The following UBXN10 variants were observed in gnomAD, a reference collection of about 807,000 sequenced individuals.
UBXN10 encodes the protein UBX domain protein 10, also known as UBX domain-containing protein 10.
UBXN10 carries 6 observed loss-of-function variants against 6.9 expected under a neutral mutation model. That is an observed-to-expected ratio of 0.87 (90% CI 0.48 to 1.72). The LOEUF is 1.72. Ranked by LOEUF, UBXN10 falls within the 40% of genes most tolerant of loss-of-function variation. The probability of loss-of-function intolerance (pLI) is 0.01; values close to 1 mark genes in which losing one functional copy is unlikely to be tolerated. For missense variants in UBXN10, 317 were observed against 348.4 expected, an observed-to-expected ratio of 0.91 and a Z score of 0.72; for synonymous variants, 131 against 135.2, an observed-to-expected ratio of 0.97 and a Z score of 0.21.
At position 20,187,031 on chromosome 1, in the gene UBXN10, T is replaced by C. The variant is rs1450191439; in HGVS notation, c.-16+878T>C. On this transcript the variant is annotated intron_variant, in intron 1 of 1. Transcript: ENST00000375099. This position sits in a 1 kb window ranked among gnomAD's most constrained non-coding sequence, Gnocchi z 4.6. ...ATATTTTACTGCATATACTGTAGGC[T>C]TAGATTTGGGTTGTGAGTGAAATAG... Among the ~76,000 whole-genome samples, 1 of 152,186 alleles carries C rather than the reference T, an allele frequency of 6.6e-6. No homozygotes were observed.
rs1444857234 is a variant in UBXN10 at position 20,192,971 on chromosome 1, G to T, written c.*1567G>T. ...ATAGGTTATTTCTGAATGTTTTATA[G>T]AATTTCTTAATACCATCCTGGTTTG... On this transcript the variant is annotated 3_prime_UTR_variant, in exon 2 of 2. Coordinates refer to ENST00000375099, the MANE Select transcript of UBXN10 (RefSeq NM_152376.5). 6.0e-6 allele frequency: 1 copy of T among 167,112 alleles called. No individual in the cohort carries two copies. Among genetic ancestry groups the T allele is most frequent in the Non-Finnish European group, 1.5e-5 (1 of 68,128 alleles). The allele number at this position is 167,112 out of a possible 1,614,324, so 10.4% of individuals were successfully genotyped here.
rs1388844818 is a variant in UBXN10, at chr1:20,194,978, A to G, written c.*3574A>G. ...AAACCAGAACCAACCAAACCCCACC[A>G]TATAACAGGGAAGGCCTGAGGTCGC... On this transcript the variant is annotated 3_prime_UTR_variant, in exon 2 of 2. Coordinates refer to ENST00000375099, the MANE Select transcript of UBXN10 (RefSeq NM_152376.5). 1 of 167,124 alleles carries G rather than the reference A, an allele frequency of 6.0e-6. No homozygotes were observed. The highest frequency in any genetic ancestry group is 2.4e-5 in the African/African-American group (1 of 41,460). 10.4% of individuals were successfully genotyped at this position (167,124 alleles called of 1,614,324 possible).
chr1:20,193,718 A>T lies in UBXN10; in HGVS notation c.*2314A>T, dbSNP rs2018554170. 6.0e-6 allele frequency: 1 copy of T among 167,082 alleles called. No homozygotes were observed. Among genetic ancestry groups the T allele is most frequent in the Non-Finnish European group, 1.5e-5 (1 of 68,128 alleles). The allele number at this position is 167,082 out of a possible 1,614,324, so 10.3% of individuals were successfully genotyped here. On this transcript the variant is annotated 3_prime_UTR_variant, in exon 2 of 2. Coordinates refer to ENST00000375099, the MANE Select transcript of UBXN10 (RefSeq NM_152376.5). The stretch of plus-strand genomic sequence containing the variant: ...TCCTGCTCTCAGCTTCTGTCACAGC[A>T]CTTAGCTTGTCTGGATAAGAGTCAC...
rs1158183037 is a variant in UBXN10 at position 20,191,323 on chromosome 1, C to T, written c.762C>T (p.Leu254=). 2 of 1,613,956 alleles carry T rather than the reference C, an allele frequency of 1.2e-6. No individual in the cohort carries two copies. The highest frequency in any genetic ancestry group is 2.2e-5 in the East Asian group (1 of 44,896). ...TGCCCAGGAGGCGATTTTCTGACCTCACCAAATCTCTGCAAGAGTGCAGAA... is the reference window on the plus strand; with the variant it reads ...TGCCCAGGAGGCGATTTTCTGACCTTACCAAATCTCTGCAAGAGTGCAGAA... ...MEVPRRRFSD[L]TKSLQECRIP... is the part of the protein sequence containing the mutation. Residue 254 remains leucine (L), a synonymous_variant, in exon 2 of 2, where the codon CTC becomes CTT. Coordinates refer to ENST00000375099, the MANE Select transcript of UBXN10 (RefSeq NM_152376.5). This position sits in a 1 kb window ranked among gnomAD's most constrained non-coding sequence, Gnocchi z 4.5.
In UBXN10 at chr1:20,191,998, G is replaced by A. The variant is rs2018512647; in HGVS notation, c.*594G>A. ...GAGGTGGCATCTAAGGGAAGAATGG[G>A]TTTTCTTCCCCAAAACATCAGCATT... On this transcript the variant is annotated 3_prime_UTR_variant, in exon 2 of 2. Coordinates refer to ENST00000375099, the MANE Select transcript of UBXN10 (RefSeq NM_152376.5). The surrounding 1 kb of genome is among the most constrained non-coding windows in gnomAD (Gnocchi z 4.5). 6.0e-6 allele frequency: 1 copy of A among 167,166 alleles called. No individual in the cohort carries two copies. Among genetic ancestry groups the A allele is most frequent in the Non-Finnish European group, 1.5e-5 (1 of 68,224 alleles). 10.4% of individuals were successfully genotyped at this position (167,166 alleles called of 1,614,324 possible). A position where few individuals can be genotyped will look rare whatever the true frequency, so the allele number is the denominator to read the frequency against.
chr1:20,189,993 G>C (rs1294773367), intron 1 of UBXN10, among the ~76,000 whole-genome samples: 1 of 152,160 alleles, frequency 6.6e-6, no homozygotes, highest in Non-Finnish European at 1.5e-5. Context: ...ACAAATGATG[G>C]CCCACAGCCC....
intron 1 of UBXN10, among the ~76,000 whole-genome samples, chr1:20,188,224 T>C (rs2018432894): frequency 6.6e-6 from 1 of 152,232 alleles, no homozygotes; most frequent in African/African-American, 2.4e-5. Flanking sequence ...CAGTCTTTTT[T>C]GATGCCAAAA....
Position 20,191,370 on chromosome 1 carries a change from G to T in UBXN10, c.809G>T (p.Gly270Val). 1 of 1,612,088 alleles carries T rather than the reference G, an allele frequency of 6.2e-7. No homozygotes were observed. The highest frequency in any genetic ancestry group is 8.5e-7 in the Non-Finnish European group (1 of 1,178,224). ...AGAATCCCCCACAAGTCTGTGCTGG[G>T]CATCTCACTGGAAGATGGGGAAGGG... ...ECRIPHKSVL[G>V]ISLEDGEGWP Residue 270 changes from glycine (G) to valine (V), a missense_variant, in exon 2 of 2, where the codon GGC becomes GTC. Physicochemically the swap from Gly to Val is moderately radical, Grantham distance 109. Transcript: ENST00000375099. The surrounding 1 kb of genome is among the most constrained non-coding windows in gnomAD (Gnocchi z 4.5).
rs2018497322 is a variant in UBXN10 at position 20,191,317 on chromosome 1, T to G, written c.756T>G (p.Ser252=). The G allele has an allele frequency of 1.2e-6, 2 of 1,614,054 alleles. No homozygotes were observed. The highest frequency in any genetic ancestry group is 1.1e-5 in the South Asian group (1 of 91,090). The change falls in exon 2 of 2, where the codon TCT becomes TCG. Residue 252 remains serine, a synonymous_variant. Transcript: ENST00000375099. The surrounding 1 kb of genome is among the most constrained non-coding windows in gnomAD (Gnocchi z 4.5). ...TGGAGGTGCCCAGGAGGCGATTTTC[T>G]GACCTCACCAAATCTCTGCAAGAGT... ...ETMEVPRRRF[S]DLTKSLQECR...
chr1:20,189,670 A>G (rs1481303928), intron 1 of UBXN10, among the ~76,000 whole-genome samples: 1 of 152,114 alleles, frequency 6.6e-6, no homozygotes, highest in Non-Finnish European at 1.5e-5. Flanking sequence ...GGAGATTGCA[A>G]TGAGCTGAGA....
upstream of UBXN10, chr1:20,184,456 A>G (rs1330423707): frequency 2.6e-5 from 4 of 152,218 alleles, no homozygotes; most frequent in Non-Finnish European, 5.9e-5. Context: ...AGGGCCACAG[A>G]GGCTTCCTGG....
rs953246522 is a variant in UBXN10, at chr1:20,194,364, G to A, written c.*2960G>A. 2 of 167,110 alleles carry A rather than the reference G, an allele frequency of 1.2e-5. No homozygotes were observed. Among genetic ancestry groups the A allele is most frequent in the African/African-American group, 4.8e-5 (2 of 41,454 alleles). The allele number at this position is 167,110 out of a possible 1,614,324, so 10.4% of individuals were successfully genotyped here. A position where few individuals can be genotyped will look rare whatever the true frequency, so the allele number is the denominator to read the frequency against. On this transcript the variant is annotated 3_prime_UTR_variant, in exon 2 of 2. Coordinates refer to ENST00000375099, the MANE Select transcript of UBXN10 (RefSeq NM_152376.5). ...ATCCAGAAAATTTGCACCAACAGAT[G>A]GCAGGTGGTTATAACACAACAGATC... is the stretch of plus-strand genomic sequence containing the variant.
rs2018537507 is a variant in UBXN10, at chr1:20,193,041, G to A, written c.*1637G>A. The A allele has an allele frequency of 6.0e-6, 1 of 167,090 alleles. No homozygotes were observed. Among genetic ancestry groups the A allele is most frequent in the Admixed American group, 6.5e-5 (1 of 15,288 alleles). The allele number at this position is 167,090 out of a possible 1,614,324, so 10.4% of individuals were successfully genotyped here. ...GGAAAGGTCAGCTGGGGCCAGTGGT[G>A]CCTCAGGCAGGCCCACACAACTGGC... On this transcript the variant is annotated 3_prime_UTR_variant, in exon 2 of 2. Coordinates refer to ENST00000375099, the MANE Select transcript of UBXN10 (RefSeq NM_152376.5).
chr1:20,191,371 C>A lies in UBXN10; in HGVS notation c.810C>A (p.Gly270=). ...ECRIPHKSVL[G]ISLEDGEGWP ...GAATCCCCCACAAGTCTGTGCTGGG[C>A]ATCTCACTGGAAGATGGGGAAGGGT... is the stretch of plus-strand genomic sequence containing the variant. Residue 270 remains glycine, a synonymous_variant, in exon 2 of 2, where the codon GGC becomes GGA. Transcript: ENST00000375099. The surrounding 1 kb of genome is among the most constrained non-coding windows in gnomAD (Gnocchi z 4.5). The A allele has an allele frequency of 1.2e-6, 2 of 1,611,958 alleles. No homozygotes were observed. The highest frequency in any genetic ancestry group is 1.7e-6 in the Non-Finnish European group (2 of 1,178,162).
rs2018507008 is a variant in UBXN10, at chr1:20,191,760, C to G, written c.*356C>G. On this transcript the variant is annotated 3_prime_UTR_variant, in exon 2 of 2. Transcript: ENST00000375099. This position sits in a 1 kb window ranked among gnomAD's most constrained non-coding sequence, Gnocchi z 4.5. ...CTTGCCTTTACAGTGAACTGTGATT[C>G]TCTCGAAGCCAATGCTTTCCTGTCT... 1 of 235,242 alleles carries G rather than the reference C, an allele frequency of 4.3e-6. No individual in the cohort carries two copies. Among genetic ancestry groups the G allele is most frequent in the African/African-American group, 2.3e-5 (1 of 44,038 alleles). The allele number at this position is 235,242 out of a possible 1,614,324, so 14.6% of individuals were successfully genotyped here.
Position 20,191,513 on chromosome 1 carries a change from TG to T in UBXN10, c.*112del. 6.7e-7 allele frequency: 1 copy of T among 1,496,044 alleles called. No homozygotes were observed. The allele number at this position is 1,496,044 out of a possible 1,614,324, so 92.7% of individuals were successfully genotyped here. A position where few individuals can be genotyped will look rare whatever the true frequency, so the allele number is the denominator to read the frequency against. Reference sequence around the variant, plus strand: ...AAGTGCCATGTGGACCTGGTGCAGCTGGGAAGCTTGGGACTCTCGTCTGCAC... The same window carrying T: ...AAGTGCCATGTGGACCTGGTGCAGCTGGAAGCTTGGGACTCTCGTCTGCAC... On this transcript the variant is annotated 3_prime_UTR_variant, in exon 2 of 2. Coordinates refer to ENST00000375099, the MANE Select transcript of UBXN10 (RefSeq NM_152376.5). This position sits in a 1 kb window ranked among gnomAD's most constrained non-coding sequence, Gnocchi z 4.5.
In UBXN10 at chr1:20,187,367, G is replaced by A. The variant is rs761968937; in HGVS notation, c.-16+1214G>A. Among the ~76,000 whole-genome samples the A allele has an allele frequency of 4.1e-4, 62 of 152,304 alleles. No individual in the cohort carries two copies. Among genetic ancestry groups the A allele is most frequent in the Non-Finnish European group, 7.5e-4 (51 of 68,022 alleles). On this transcript the variant is annotated intron_variant, in intron 1 of 1. Transcript: ENST00000375099. The surrounding 1 kb of genome is among the most constrained non-coding windows in gnomAD (Gnocchi z 4.6). The stretch of plus-strand genomic sequence containing the variant: ...GGTTGAGTGGCTGCCAGGCCTAGAG[G>A]TGGTGAAGTGAACTGAGCAGGGAGA...
At position 20,194,202 on chromosome 1, in the gene UBXN10, G is replaced by A. The variant is rs1380095456; in HGVS notation, c.*2798G>A. On this transcript the variant is annotated 3_prime_UTR_variant, in exon 2 of 2. Transcript: ENST00000375099. The stretch of plus-strand genomic sequence containing the variant: ...AGGAAGCTCTTGCCCACCTTTTCTA[G>A]TGATGGAGTAGGAACTTTGCATAGG... 3 of 167,114 alleles carry A rather than the reference G, an allele frequency of 1.8e-5. No individual in the cohort carries two copies. The South Asian group carries it at 6.2e-4, about 35-fold the overall frequency. 10.4% of individuals were successfully genotyped at this position (167,114 alleles called of 1,614,324 possible).
At position 20,187,263 on chromosome 1, in the gene UBXN10, TTA is replaced by T. The variant is rs879516120; in HGVS notation, c.-16+1111_-16+1112del. ...GGCCGCTGGGGTGCAGCTATTGTGT[TTA>T]AGTAAACAGGCCACTCGCCTATTCA... On this transcript the variant is annotated intron_variant, in intron 1 of 1. Transcript: ENST00000375099. This position sits in a 1 kb window ranked among gnomAD's most constrained non-coding sequence, Gnocchi z 4.6. Among the ~76,000 whole-genome samples the T allele has an allele frequency of 5.3e-5, 8 of 152,226 alleles. No homozygotes were observed. Among genetic ancestry groups the T allele is most frequent in the Non-Finnish European group, 1.2e-4 (8 of 68,048 alleles).
Sources: gnomAD v4.1 joint callset for allele counts (sites outside exome capture counted in the v4.1 genomes callset) on GRCh38, gnomAD v4.1.1 for gene constraint, Gnocchi (gnomAD v3.1) non-coding constraint, MANE v1.5 for transcripts, NCBI Gene and HGNC (gene_info 2026-07-23, HGNC 2026-07-21) for gene names.